FCHO2: variants seen among roughly 807,000 people sequenced by gnomAD.
FCHO2 encodes the protein F-BAR domain only protein 2.
A neutral mutation model predicts 114.1 loss-of-function variants in FCHO2; 43 were observed. That is an observed-to-expected ratio of 0.38 (90% CI 0.30 to 0.49). The LOEUF (loss-of-function observed/expected upper bound fraction) is 0.49, where lower values mean the gene tolerates loss of function less well. Ranked by LOEUF, FCHO2 falls within the 20% of genes least tolerant of loss-of-function variation. The probability of loss-of-function intolerance (pLI) is 0.97; values close to 1 mark genes in which losing one functional copy is unlikely to be tolerated. For missense variants in FCHO2, 807 were observed against 950.4 expected (o/e 0.85, Z 1.98); for synonymous variants, 293 against 315.2 (o/e 0.93, Z 0.75).
intron 1 of FCHO2, among the ~76,000 whole-genome samples, chr5:72,965,049 A>C (rs1340074544): frequency 6.6e-6 from 1 of 151,828 alleles, no homozygotes; most frequent in East Asian, 1.9e-4. Context: ...CAGTATATAA[A>C]GGGTTCGTGA....
At chr5:73,038,352 G>A (rs995603635) in intron 10 of FCHO2, among the ~76,000 whole-genome samples, 6 of 152,132 alleles carry the variant, frequency 3.9e-5, no homozygotes, top group Admixed American at 2.0e-4. Flanking sequence ...GAATCTTTGA[G>A]CCGTGATTAT....
At chr5:73,052,658 A>G (rs1007274962) in intron 13 of FCHO2, 151 bp downstream of exon 13, 1 of 649,552 alleles carries the variant, frequency 1.5e-6, no homozygotes. Flanking sequence ...AAACTTGTGA[A>G]TTTGGCTTAA....
chr5:73,002,130 G>A (rs1754477004), intron 5 of FCHO2, among the ~76,000 whole-genome samples: 1 of 152,128 alleles, frequency 6.6e-6, no homozygotes, highest in African/African-American at 2.4e-5. Context: ...ACAAATAAGT[G>A]CTGAATGTAT....
At chr5:73,042,755 A>T (rs1756865782) in intron 11 of FCHO2, among the ~76,000 whole-genome samples, 2 of 152,190 alleles carry the variant, frequency 1.3e-5, no homozygotes, top group Non-Finnish European at 2.9e-5. Context: ...ACAGAAAATA[A>T]GTGGGTGCCT....
At chr5:72,966,655 T>C (rs16902297) in intron 1 of FCHO2, among the ~76,000 whole-genome samples, 45,340 of 152,170 alleles carry the variant, frequency 0.3, 6,981 homozygotes, top group East Asian at 0.44. Flanking sequence ...CTACATTAGC[T>C]GATGAGTTTA....
At chr5:73,050,544 C>T (rs1183645962) in intron 11 of FCHO2, among the ~76,000 whole-genome samples, 1 of 152,036 alleles carries the variant, frequency 6.6e-6, no homozygotes, top group Non-Finnish European at 1.5e-5. Context: ...ATCTTGATCT[C>T]TTGACCTCAT....
intron 18 of FCHO2, 77 bp downstream of exon 18, chr5:73,064,021 T>G: frequency 1.5e-6 from 2 of 1,325,900 alleles, no homozygotes; most frequent in Non-Finnish European, 2.1e-6. Flanking sequence ...ATATGCCCTT[T>G]TACAGTTAAT....
At chr5:73,047,523 C>A (rs186672046) in intron 11 of FCHO2, among the ~76,000 whole-genome samples, 277 of 151,386 alleles carry the variant, frequency 1.8e-3, no homozygotes, top group African/African-American at 6.2e-3. Context: ...GCAGTATTTC[C>A]TGGCAATCAC....
rs1375433749 is a variant in FCHO2, at chr5:72,968,532, A to G, written c.68A>G (p.His23Arg). Residue 23 changes from histidine to arginine, a missense_variant, in exon 2 of 26, where the codon CAT becomes CGT. Transcript: ENST00000430046. The stretch of plus-strand genomic sequence containing the variant: ...AATAGTGGCTTTGATGTCCTCTACC[A>G]TAATATGAAACATGGACAGATATCA... The part of the protein sequence containing the change: ...EKNSGFDVLY[H>R]NMKHGQISTK... 7.7e-6 allele frequency: 12 copies of G among 1,550,494 alleles called. 1 individual carries two copies. The South Asian group carries it at 1.5e-4, about 20-fold the overall frequency.
chr5:73,075,210 A>G (rs529339219), intron 20 of FCHO2, among the ~76,000 whole-genome samples: 1 of 152,334 alleles, frequency 6.6e-6, no homozygotes, highest in South Asian at 2.1e-4. Context: ...ATGAAGAAAA[A>G]TAAACCAGGG....
At chr5:72,995,088 C>T (rs1398029388) in intron 5 of FCHO2, among the ~76,000 whole-genome samples, 1 of 152,024 alleles carries the variant, frequency 6.6e-6, no homozygotes, top group East Asian at 1.9e-4. Flanking sequence ...ATATAAGAAA[C>T]CTTCACATGT....
At chr5:73,037,298 G>C (rs1398623526) in intron 10 of FCHO2, 83 bp downstream of exon 10, 7 of 1,043,766 alleles carry the variant, frequency 6.7e-6, no homozygotes, top group Admixed American at 6.4e-5. Context: ...AAAGAAAAAA[G>C]TATTTTGGAA....
Position 73,078,296 on chromosome 5 carries a change from A to T in FCHO2, c.1964A>T (p.Asp655Val). The change falls in exon 22 of 26, where the codon GAT becomes GTT. Residue 655 changes from aspartate to valine, a missense_variant. By Grantham distance (152) the Asp-to-Val change is radical. Transcript: ENST00000430046. ...QNPAASYYNV[D>V]VLKYQVSSNG... ...CCAGCTGCTTCTTATTATAATGTAG[A>T]TGTATTAAAGTATCAGGTGAGTGTC... 1 of 1,602,292 alleles carries T rather than the reference A, an allele frequency of 6.2e-7. No individual in the cohort carries two copies. The highest frequency in any genetic ancestry group is 8.5e-7 in the Non-Finnish European group (1 of 1,174,888).
chr5:73,054,094 T>C (rs994470489), intron 13 of FCHO2, 66 bp from the exon 14 acceptor site: 44 of 1,210,588 alleles, frequency 3.6e-5, no homozygotes, highest in Non-Finnish European at 1.9e-5. Flanking sequence ...TGATAAATTA[T>C]TACAGCACAA....
intron 9 of FCHO2, among the ~76,000 whole-genome samples, chr5:73,035,884 C>T (rs1756475557): frequency 6.6e-6 from 1 of 152,062 alleles, no homozygotes; most frequent in South Asian, 2.1e-4. Flanking sequence ...TGCTCTGTCA[C>T]CCAGGCTGGA....
At chr5:72,999,030 G>A (rs1262856596) in intron 5 of FCHO2, among the ~76,000 whole-genome samples, 1 of 151,994 alleles carries the variant, frequency 6.6e-6, no homozygotes, top group Non-Finnish European at 1.5e-5. Flanking sequence ...TTGAGCAGGA[G>A]TGGAGCATGT....
chr5:73,010,444 T>A (rs1754942670), intron 6 of FCHO2, among the ~76,000 whole-genome samples: 1 of 152,168 alleles, frequency 6.6e-6, no homozygotes, highest in African/African-American at 2.4e-5. Context: ...ACCCTCAGAT[T>A]AAAGATTATT....
chr5:73,038,435 G>A (rs1042419315), intron 10 of FCHO2, among the ~76,000 whole-genome samples: 2 of 152,108 alleles, frequency 1.3e-5, no homozygotes, highest in African/African-American at 4.8e-5. Flanking sequence ...AAGAGACACC[G>A]ATCAAAAGTC....
intron 6 of FCHO2, among the ~76,000 whole-genome samples, chr5:73,009,233 C>T (rs1470293620): frequency 6.6e-6 from 1 of 152,226 alleles, no homozygotes; most frequent in Non-Finnish European, 1.5e-5. Context: ...TTGCAGGCTT[C>T]AGCAAGTGCT....
Sources: gnomAD v4.1 joint callset for allele counts (sites outside exome capture counted in the v4.1 genomes callset) on GRCh38, gnomAD v4.1.1 for gene constraint, MANE v1.5 for transcripts, NCBI Gene and HGNC (gene_info 2026-07-23, HGNC 2026-07-21) for gene names.